GDF10: variants seen among roughly 807,000 people sequenced by gnomAD.
GDF10 encodes growth/differentiation factor 10.
Under a neutral mutation model 32.1 loss-of-function variants are expected in GDF10, and 23 were observed. That is an observed-to-expected ratio of 0.72 (90% CI 0.52 to 1.02). GDF10 has a LOEUF of 1.02. Among genes scored for constraint, GDF10 ranks in the 50% least tolerant of loss-of-function variants. The pLI, the probability that GDF10 is intolerant of heterozygous loss-of-function variation, is 0.00. For synonymous variants in GDF10, 328 were observed against 303.1 expected (o/e 1.08, Z -0.85); for missense variants, 764 against 673.9 (o/e 1.13, Z -1.48).
chr10:47,304,207 G>A (rs1382302695), intron 1 of GDF10, among the ~76,000 whole-genome samples: 1 of 152,152 alleles, frequency 6.6e-6, no homozygotes, highest in Non-Finnish European at 1.5e-5. Context: ...TAATGATAAC[G>A]CAAGGAGAGA....
At position 47,300,882 on chromosome 10, in the gene GDF10, CCA is replaced by C; in HGVS notation, c.234_235del (p.Met79AlafsTer5). The C allele has an allele frequency of 6.3e-7, 1 of 1,588,874 alleles. No homozygotes were observed. Among genetic ancestry groups the C allele is most frequent in the Non-Finnish European group, 8.5e-7 (1 of 1,175,594 alleles). ...CCAGCGCCCAGGACATGGTCGCTGT[CCA>C]CATGCACAGGCTCTATGAGAAGTAC... The part of the protein sequence containing the change: ...GPSAQDMVAV[H>X]MHRLYEKYSR... On this transcript the variant is annotated frameshift_variant, in exon 1 of 3. Coordinates refer to ENST00000580279, the MANE Select transcript of GDF10 (RefSeq NM_004962.5). LOFTEE classifies it high-confidence loss of function.
intron 1 of GDF10, among the ~76,000 whole-genome samples, chr10:47,309,110 G>A (rs1193256896): frequency 6.6e-6 from 1 of 152,168 alleles, no homozygotes. Context: ...ATTTAGTCAG[G>A]TTGCCTTGTG....
intron 1 of GDF10, among the ~76,000 whole-genome samples, chr10:47,301,351 C>T (rs1402786235): frequency 1.3e-5 from 2 of 152,224 alleles, no homozygotes; most frequent in African/African-American, 4.8e-5. Context: ...CATAGGCAGC[C>T]CTGCAGAAGC....
rs1555206760 is a variant in GDF10 at position 47,300,765 on chromosome 10, C to A, written c.114C>A (p.Pro38=). 6.4e-7 allele frequency: 1 copy of A among 1,570,202 alleles called. No homozygotes were observed. Among genetic ancestry groups the A allele is most frequent in the South Asian group, 1.1e-5 (1 of 87,742 alleles). The change falls in exon 1 of 3, where the codon CCC becomes CCA. Residue 38 remains proline, a synonymous_variant. Transcript: ENST00000580279. ...ATGTGGCCGGCAGCCACAGGGCCCC[C>A]GCCTGGTCCGCACTGCCCGCGGCCG... ...LRDVAGSHRA[P]AWSALPAAAD...
At position 47,300,984 on chromosome 10, in the gene GDF10, G is replaced by A. The variant is rs371774962; in HGVS notation, c.319+14G>A. ...GGGCCAGGCTGGGTAAGTAGAGGGT[G>A]CCCCAGGACCCCTTCTCCTCATTCT... On this transcript the variant is annotated intron_variant, in intron 1 of 2. Transcript: ENST00000580279. 1.4e-4 allele frequency: 200 copies of A among 1,440,530 alleles called. No homozygotes were observed. In the African/African-American group the frequency reaches 2.1e-3, roughly 15 times the overall value. The allele number at this position is 1,440,530 out of a possible 1,614,324, so 89.2% of individuals were successfully genotyped here. A position where few individuals can be genotyped will look rare whatever the true frequency, so the allele number is the denominator to read the frequency against.
chr10:47,307,341 G>A (rs893334684), intron 1 of GDF10, among the ~76,000 whole-genome samples: 4 of 152,192 alleles, frequency 2.6e-5, no homozygotes, highest in African/African-American at 9.7e-5. Flanking sequence ...AGAAAGAAGA[G>A]AGAAAAGACA....
In GDF10 at chr10:47,313,277, A is replaced by G. The variant is rs2061053678; in HGVS notation, c.*485A>G. 1 of 152,358 alleles carries G rather than the reference A, an allele frequency of 6.6e-6. No individual in the cohort carries two copies. The highest frequency in any genetic ancestry group is 1.5e-5 in the Non-Finnish European group (1 of 68,180). 9.4% of individuals were successfully genotyped at this position (152,358 alleles called of 1,614,324 possible). A position where few individuals can be genotyped will look rare whatever the true frequency, so the allele number is the denominator to read the frequency against. ...TGTTTCCTTTCAAAGTCCACTGCAG[A>G]GCTTTTATCCATATGGTATGCACAT... On this transcript the variant is annotated 3_prime_UTR_variant, in exon 3 of 3. Coordinates refer to ENST00000580279, the MANE Select transcript of GDF10 (RefSeq NM_004962.5).
At position 47,310,511 on chromosome 10, in the gene GDF10, G is replaced by A. The variant is rs1565748998; in HGVS notation, c.1035G>A (p.Gln345=). Reference sequence around the variant, plus strand: ...GCAAAGACCGCAGGAAGAAGGGCCAGGAGGTGTTCATGGCCGCCTCGCAGG... The same window carrying A: ...GCAAAGACCGCAGGAAGAAGGGCCAAGAGGTGTTCATGGCCGCCTCGCAGG... ...PGRKDRRKKG[Q]EVFMAASQVL... The change falls in exon 2 of 3, where the codon CAG becomes CAA. Residue 345 remains glutamine, a synonymous_variant. Transcript: ENST00000580279. 6.2e-7 allele frequency: 1 copy of A among 1,613,884 alleles called. No individual in the cohort carries two copies. Among genetic ancestry groups the A allele is most frequent in the East Asian group, 2.2e-5 (1 of 44,860 alleles).
intron 1 of GDF10, among the ~76,000 whole-genome samples, chr10:47,303,411 C>T (rs577695229): frequency 4.8e-4 from 73 of 152,358 alleles, no homozygotes; most frequent in African/African-American, 1.6e-3. Flanking sequence ...GGTCCAAATC[C>T]CAATTCTGCG....
Position 47,300,361 on chromosome 10 carries a change from C to T in GDF10, c.-291C>T. 1 of 329,536 alleles carries T rather than the reference C, an allele frequency of 3.0e-6. No homozygotes were observed. 20.4% of individuals were successfully genotyped at this position (329,536 alleles called of 1,614,324 possible). ...GCGCGCAGTGGGCTACAAACTTTCG[C>T]GGCGCGAGTCCGCCAAGGCAGCGCG... On this transcript the variant is annotated 5_prime_UTR_variant, in exon 1 of 3. Transcript: ENST00000580279.
At position 47,310,255 on chromosome 10, in the gene GDF10, C is replaced by T; in HGVS notation, c.779C>T (p.Ala260Val). 1 of 1,609,190 alleles carries T rather than the reference C, an allele frequency of 6.2e-7. No individual in the cohort carries two copies. Among genetic ancestry groups the T allele is most frequent in the African/African-American group, 1.3e-5 (1 of 74,996 alleles). ...GCCATCTCGGAGCCCAACAGCGTGGCAGTGACGCTGCAGAGATACGACCCC... is the reference window on the plus strand; with the variant it reads ...GCCATCTCGGAGCCCAACAGCGTGGTAGTGACGCTGCAGAGATACGACCCC... ...DLAISEPNSV[A>V]VTLQRYDPFP... The change falls in exon 2 of 3, where the codon GCA becomes GTA. Residue 260 changes from alanine (A) to valine (V), a missense_variant. Physicochemically the swap from Ala to Val is moderately conservative, Grantham distance 64. Transcript: ENST00000580279.
At position 47,309,969 on chromosome 10, in the gene GDF10, G is replaced by T; in HGVS notation, c.493G>T (p.Gly165Cys). ...KNASGRPLPL[G>C]PPTRQHLLFR... ...CGCTTCAGGCCGCCCGCTGCCCCTG[G>T]GCCCGCCCACACGCCAGCACCTGCT... The change falls in exon 2 of 3, where the codon GGC becomes TGC. Residue 165 changes from glycine to cysteine, a missense_variant. By Grantham distance (159) the Gly-to-Cys change is radical. Transcript: ENST00000580279. 6.2e-7 allele frequency: 1 copy of T among 1,611,840 alleles called. No individual in the cohort carries two copies. The highest frequency in any genetic ancestry group is 8.5e-7 in the Non-Finnish European group (1 of 1,179,204).
At position 47,300,645 on chromosome 10, in the gene GDF10, C is replaced by T; in HGVS notation, c.-7C>T. On this transcript the variant is annotated 5_prime_UTR_variant, in exon 1 of 3. Transcript: ENST00000580279. ...GGACTTCGGCCCTTTGCCGCCCTCA[C>T]CACGCCATGGCTCATGTCCCCGCTC... 1 of 1,584,726 alleles carries T rather than the reference C, an allele frequency of 6.3e-7. No individual in the cohort carries two copies. Among genetic ancestry groups the T allele is most frequent in the Middle Eastern group, 1.7e-4 (1 of 5,754 alleles).
At chr10:47,309,673 C>G in intron 1 of GDF10, 123 bp from the exon 2 acceptor site, 1 of 661,076 alleles carries the variant, frequency 1.5e-6, no homozygotes, top group South Asian at 1.9e-5. Flanking sequence ...GGAAGCAAAG[C>G]GGGGGAGGAG....
At position 47,310,362 on chromosome 10, in the gene GDF10, G is replaced by C; in HGVS notation, c.886G>C (p.Gly296Arg). 6.2e-7 allele frequency: 1 copy of C among 1,606,836 alleles called. No homozygotes were observed. Among genetic ancestry groups the C allele is most frequent in the Non-Finnish European group, 8.5e-7 (1 of 1,177,504 alleles). The change falls in exon 2 of 3, where the codon GGG becomes CGG. Residue 296 changes from glycine (G) to arginine (R), a missense_variant. By Grantham distance (125) the Gly-to-Arg change is moderately radical. Transcript: ENST00000580279. ...PRVRRAAQAT[G>R]PLQDNELPGL... Reference sequence around the variant, plus strand: ...CGTGCGCCGAGCCGCGCAGGCCACTGGGCCCCTCCAGGACAACGAGCTGCC... The same window carrying C: ...CGTGCGCCGAGCCGCGCAGGCCACTCGGCCCCTCCAGGACAACGAGCTGCC...
intron 1 of GDF10, among the ~76,000 whole-genome samples, chr10:47,304,804 A>C (rs2061017356): frequency 6.6e-6 from 1 of 152,144 alleles, no homozygotes; most frequent in Non-Finnish European, 1.5e-5. Flanking sequence ...GGTCATCTTG[A>C]ACTTTTCCCC....
At position 47,312,988 on chromosome 10, in the gene GDF10, C is replaced by T. The variant is rs1343154079; in HGVS notation, c.*196C>T. 1 of 427,868 alleles carries T rather than the reference C, an allele frequency of 2.3e-6. No individual in the cohort carries two copies. The allele number at this position is 427,868 out of a possible 1,614,324, so 26.5% of individuals were successfully genotyped here. ...AGTGACTAGCCCCTTAAATGCCAGC[C>T]TGAGTACCTGAAGGAATCTGGGAAT... On this transcript the variant is annotated 3_prime_UTR_variant, in exon 3 of 3. Transcript: ENST00000580279.
chr10:47,309,722 TC>T, intron 1 of GDF10, 73 bp from the exon 2 acceptor site: 1 of 985,700 alleles, frequency 1.0e-6, no homozygotes, highest in South Asian at 1.6e-5. Context: ...CGTTTGCTCC[TC>T]CAGCCCTGGG....
In GDF10 at chr10:47,313,480, A is replaced by G. The variant is rs938370648; in HGVS notation, c.*688A>G. On this transcript the variant is annotated 3_prime_UTR_variant, in exon 3 of 3. Transcript: ENST00000580279. ...AATACTAAAAAATAACCAAGATTTT[A>G]TATTTTTGTAAATTATACTTTCTAT... 6.6e-6 allele frequency: 1 copy of G among 152,644 alleles called. No individual in the cohort carries two copies. Among genetic ancestry groups the G allele is most frequent in the Admixed American group, 6.5e-5 (1 of 15,286 alleles). The allele number at this position is 152,644 out of a possible 1,614,324, so 9.5% of individuals were successfully genotyped here. A position where few individuals can be genotyped will look rare whatever the true frequency, so the allele number is the denominator to read the frequency against.
Sources: gnomAD v4.1 joint callset for allele counts (sites outside exome capture counted in the v4.1 genomes callset) on GRCh38, gnomAD v4.1.1 for gene constraint, MANE v1.5 for transcripts, NCBI Gene and HGNC (gene_info 2026-07-23, HGNC 2026-07-21) for gene names.